CEP295: variants seen among roughly 807,000 people sequenced by gnomAD.
The protein encoded by CEP295 is centrosomal protein of 295 kDa.
Under a neutral mutation model 291.6 loss-of-function variants are expected in CEP295, and 190 were observed. That is an observed-to-expected ratio of 0.65 (90% CI 0.58 to 0.73). The LOEUF (loss-of-function observed/expected upper bound fraction) is 0.73. Ranked by LOEUF, CEP295 falls within the 30% of genes least tolerant of loss-of-function variation. CEP295 has a pLI of 0.00. For synonymous variants in CEP295, 993 were observed against 1,038.8 expected (o/e 0.96, Z 0.85); for missense variants, 2,863 against 2,949.4 (o/e 0.97, Z 0.68).
intron 1 of CEP295, among the ~76,000 whole-genome samples, chr11:93,665,780 G>A (rs1486668270): frequency 6.6e-6 from 1 of 152,112 alleles, no homozygotes; most frequent in Admixed American, 6.5e-5. Context: ...TAAAAATTAC[G>A]TCACTATAAT....
At chr11:93,682,443 C>T (rs371806628) in intron 7 of CEP295, among the ~76,000 whole-genome samples, 4 of 152,056 alleles carry the variant, frequency 2.6e-5, no homozygotes, top group Non-Finnish European at 4.4e-5. Flanking sequence ...AGGCTGGCCT[C>T]GAACTCCTGA....
At chr11:93,690,311 C>T (rs1373490971) in intron 10 of CEP295, among the ~76,000 whole-genome samples, 3 of 152,094 alleles carry the variant, frequency 2.0e-5, no homozygotes, top group Non-Finnish European at 4.4e-5. Flanking sequence ...AATCCCAACA[C>T]TTTGGGAGGC....
intron 10 of CEP295, among the ~76,000 whole-genome samples, chr11:93,690,339 G>A (rs528677972): frequency 4.6e-5 from 7 of 152,266 alleles, no homozygotes; most frequent in Admixed American, 2.0e-4. Context: ...GGCAGATCAC[G>A]AGGTCAGGAG....
intron 6 of CEP295, among the ~76,000 whole-genome samples, chr11:93,677,748 T>A (rs1039860678): frequency 1.3e-5 from 2 of 152,202 alleles, no homozygotes; most frequent in Non-Finnish European, 2.9e-5. Flanking sequence ...AAATTCATCA[T>A]CAATTTTCCA....
intron 9 of CEP295, among the ~76,000 whole-genome samples, chr11:93,687,036 A>G (rs147797623): frequency 2.6e-5 from 4 of 152,334 alleles, no homozygotes; most frequent in Non-Finnish European, 5.9e-5. Context: ...TTTTGGCATT[A>G]AACTATCAGC....
chr11:93,670,195 C>T (rs928203551), intron 5 of CEP295, among the ~76,000 whole-genome samples: 4 of 151,928 alleles, frequency 2.6e-5, no homozygotes, highest in Non-Finnish European at 1.5e-5. Context: ...ATTAGGCTTT[C>T]CCACACTCTG....
intron 9 of CEP295, among the ~76,000 whole-genome samples, chr11:93,686,194 C>T (rs1182550369): frequency 5.9e-5 from 9 of 152,158 alleles, no homozygotes; most frequent in Admixed American, 2.0e-4. Context: ...TGGCGCTCAC[C>T]TGTAATCCCA....
At chr11:93,710,100 CAACT>C (rs1319002531) in intron 18 of CEP295, among the ~76,000 whole-genome samples, 1 of 152,098 alleles carries the variant, frequency 6.6e-6, no homozygotes, top group Non-Finnish European at 1.5e-5. Flanking sequence ...TCTTCCTTTC[CAACT>C]TGGATGCTCT....
chr11:93,691,662 CAG>C lies in CEP295; in HGVS notation c.1337-20_1337-19del. The C allele has an allele frequency of 7.2e-7, 1 of 1,392,496 alleles. No individual in the cohort carries two copies. Among genetic ancestry groups the C allele is most frequent in the Non-Finnish European group, 9.9e-7 (1 of 1,010,598 alleles). 86.3% of individuals were successfully genotyped at this position (1,392,496 alleles called of 1,614,324 possible). ...GACAATGATTATATATTCAAAATAA[CAG>C]TGGTATTATCTATTACAGTTGTTGA... is the stretch of plus-strand genomic sequence containing the variant. On this transcript the variant is annotated intron_variant, in intron 10 of 29. Coordinates refer to ENST00000325212, the MANE Select transcript of CEP295 (RefSeq NM_033395.2).
At chr11:93,692,972 C>CAAAA (rs780110779) in intron 12 of CEP295, among the ~76,000 whole-genome samples, 43 of 77,828 alleles carry the variant, frequency 5.5e-4, no homozygotes, top group African/African-American at 2.0e-3. Flanking sequence ...GACTCTATCT[C>CAAAA]AAAAAAAAAA....
intron 18 of CEP295, 103 bp downstream of exon 18, chr11:93,707,000 AG>A (rs1952552347): frequency 1.0e-6 from 1 of 984,946 alleles, no homozygotes; most frequent in East Asian, 2.7e-5. Context: ...AAATAAACTT[AG>A]TTACTGCTGT....
At chr11:93,724,214 T>C in intron 21 of CEP295, 40 bp from the exon 22 acceptor site, 10 of 1,514,902 alleles carry the variant, frequency 6.6e-6, no homozygotes, top group Non-Finnish European at 8.9e-6. Context: ...TTATGATTTT[T>C]TTCCCTCAAA....
At chr11:93,685,747 G>C (rs1480298995) in intron 9 of CEP295, among the ~76,000 whole-genome samples, 1 of 151,960 alleles carries the variant, frequency 6.6e-6, no homozygotes, top group Non-Finnish European at 1.5e-5. Flanking sequence ...GTCTTGCTCT[G>C]TTGCCCAGGC....
chr11:93,674,496 A>G (rs10765627), intron 5 of CEP295, among the ~76,000 whole-genome samples: 139,890 of 152,266 alleles, frequency 0.92, 65,082 homozygotes, highest in East Asian at 0.99. Flanking sequence ...CTCAGGAGTT[A>G]CAGTGCAGAG....
intron 6 of CEP295, among the ~76,000 whole-genome samples, chr11:93,678,614 A>C (rs1950814120): frequency 6.6e-6 from 1 of 152,194 alleles, no homozygotes; most frequent in Admixed American, 6.5e-5. Context: ...CTATACTTGA[A>C]AGTGAATGTT....
At chr11:93,696,270 A>G in intron 13 of CEP295, 50 bp from the exon 14 acceptor site, 1 of 1,085,588 alleles carries the variant, frequency 9.2e-7, no homozygotes, top group African/African-American at 1.6e-5. Flanking sequence ...AAATACTTCA[A>G]TACTTACTTC....
chr11:93,673,099 G>A (rs575346960), intron 5 of CEP295, among the ~76,000 whole-genome samples: 282 of 152,270 alleles, frequency 1.9e-3, no homozygotes, highest in Non-Finnish European at 2.8e-3. Flanking sequence ...ATTCTAATGT[G>A]TACTACCATC....
rs997924267 is a variant in CEP295 at position 93,675,614 on chromosome 11, C to G, written c.572C>G (p.Ser191Cys). The G allele has an allele frequency of 2.6e-6, 4 of 1,513,000 alleles. No individual in the cohort carries two copies. Among genetic ancestry groups the G allele is most frequent in the Non-Finnish European group, 3.5e-6 (4 of 1,133,528 alleles). 93.7% of individuals were successfully genotyped at this position (1,513,000 alleles called of 1,614,324 possible). A position where few individuals can be genotyped will look rare whatever the true frequency, so the allele number is the denominator to read the frequency against. Residue 191 changes from serine to cysteine, a missense_variant, in exon 6 of 30, where the codon TCT (serine) becomes TGT (cysteine). Physicochemically the swap from Ser to Cys is moderately radical, Grantham distance 112. Around this residue, in one of 3 missense-constraint regions of CEP295, gnomAD observed 554 missense variants for 576.0 expected, o/e 0.96. Coordinates refer to ENST00000325212, the MANE Select transcript of CEP295 (RefSeq NM_033395.2). ...KRISAVKTNS[S>C]TYHHLHTFVN... ...ATTTCTGCAGTCAAAACCAATAGTT[C>G]TACCTACCATCATCTTCACACTTTT...
In CEP295 at chr11:93,719,137, CTT is replaced by C. The variant is rs1227802619; in HGVS notation, c.5750-2173_5750-2172del. On this transcript the variant is annotated intron_variant, in intron 18 of 29. Transcript: ENST00000325212. ...AATAAAGACAAAGATTTGCGATTAG[CTT>C]TGTTTCCACTTCATTAATCATAATA... Among the ~76,000 whole-genome samples, 4 of 151,608 alleles carry C rather than the reference CTT, an allele frequency of 2.6e-5. No homozygotes were observed. The East Asian group carries it at 5.8e-4, about 22-fold the overall frequency.
Sources: gnomAD v4.1 joint callset for allele counts (sites outside exome capture counted in the v4.1 genomes callset) on GRCh38, gnomAD v4.1.1 for gene constraint, gnomAD v4.1.1 regional missense constraint, MANE v1.5 for transcripts, NCBI Gene and HGNC (gene_info 2026-07-23, HGNC 2026-07-21) for gene names.